The following HIC2 variants were observed in gnomAD, a reference collection of about 807,000 sequenced individuals.
The protein encoded by HIC2 is hypermethylated in cancer 2 protein.
HIC2 carries 2 observed loss-of-function variants against 39.5 expected under a neutral mutation model. The ratio of observed to expected loss-of-function variants is 0.05; its 90% CI spans 0.02 to 0.16. The LOEUF is 0.16. Among genes scored for constraint, HIC2 ranks in the 10% least tolerant of loss-of-function variants. The probability of loss-of-function intolerance (pLI) is 1.00; values close to 1 mark genes in which losing one functional copy is unlikely to be tolerated. For synonymous variants in HIC2, 399 were observed against 368.8 expected (o/e 1.08, Z -0.94); for missense variants, 713 against 863.5 (o/e 0.83, Z 2.18).
chr22:21,426,118 A>G (rs2148334037), intron 1 of HIC2, among the ~76,000 whole-genome samples: 1 of 149,588 alleles, frequency 6.7e-6, no homozygotes, highest in Non-Finnish European at 1.5e-5. Flanking sequence ...AAGTGCTGGG[A>G]TTACAGGTAT....
chr22:21,444,957 C>T lies in HIC2; in HGVS notation c.62C>T (p.Pro21Leu), dbSNP rs1234858251. The change falls in exon 3 of 3, where the codon CCC becomes CTC. Residue 21 changes from proline to leucine, a missense_variant. Coordinates refer to ENST00000407464, the MANE Select transcript of HIC2 (RefSeq NM_015094.3). Reference protein sequence around the residue: ...CAWAGRGDMGPDMELPSHSKQ... With the variant: ...CAWAGRGDMGLDMELPSHSKQ... ...TGGGCAGGGCGCGGGGACATGGGGCCCGACATGGAGCTGCCCAGCCACTCG... is the reference window on the plus strand; with the variant it reads ...TGGGCAGGGCGCGGGGACATGGGGCTCGACATGGAGCTGCCCAGCCACTCG... The T allele has an allele frequency of 3.7e-6, 6 of 1,613,150 alleles. No individual in the cohort carries two copies. In the South Asian group the frequency reaches 5.5e-5, roughly 15 times the overall value.
chr22:21,448,959 C>G lies in HIC2; in HGVS notation c.*2216C>G, dbSNP rs1170086735. Reference sequence around the variant, plus strand: ...CACGGGAAATGTTCACGCGCCTGGCCGTGTGCATGGCCTCCCGGGCTGTGG... The same window carrying G: ...CACGGGAAATGTTCACGCGCCTGGCGGTGTGCATGGCCTCCCGGGCTGTGG... On this transcript the variant is annotated 3_prime_UTR_variant, in exon 3 of 3. Coordinates refer to ENST00000407464, the MANE Select transcript of HIC2 (RefSeq NM_015094.3). The G allele has an allele frequency of 6.5e-6, 1 of 152,774 alleles. No individual in the cohort carries two copies. The highest frequency in any genetic ancestry group is 2.4e-5 in the African/African-American group (1 of 41,454). The allele number at this position is 152,774 out of a possible 1,614,324, so 9.5% of individuals were successfully genotyped here.
rs1474799877 is a variant in HIC2, at chr22:21,448,920, C to T, written c.*2177C>T. Reference sequence around the variant, plus strand: ...CCATCAGCACTTAAGCCACATGACACAAAGTCTGTACCGCACGGGAAATGT... The same window carrying T: ...CCATCAGCACTTAAGCCACATGACATAAAGTCTGTACCGCACGGGAAATGT... On this transcript the variant is annotated 3_prime_UTR_variant, in exon 3 of 3. Coordinates refer to ENST00000407464, the MANE Select transcript of HIC2 (RefSeq NM_015094.3). 2.0e-5 allele frequency: 3 copies of T among 152,800 alleles called. No individual in the cohort carries two copies. Among genetic ancestry groups the T allele is most frequent in the African/African-American group, 7.2e-5 (3 of 41,450 alleles). 9.5% of individuals were successfully genotyped at this position (152,800 alleles called of 1,614,324 possible). A position where few individuals can be genotyped will look rare whatever the true frequency, so the allele number is the denominator to read the frequency against.
At chr22:21,433,536 CAGCT>C (rs1192706935) in intron 1 of HIC2, among the ~76,000 whole-genome samples, 58 of 2,166 alleles carry the variant, frequency 0.027, 28 homozygotes, top group Non-Finnish European at 0.1. Context: ...TTTGGGCCCA[CAGCT>C]AGCTAGCTAG....
At chr22:21,437,769 C>G (rs1181374408) in intron 1 of HIC2, among the ~76,000 whole-genome samples, 2 of 14,346 alleles carry the variant, frequency 1.4e-4, no homozygotes, top group Admixed American at 6.1e-4. Flanking sequence ...GTGGCCCTGC[C>G]CTGCCTAGCA....
Position 21,450,870 on chromosome 22 carries a change from TTAAC to T in HIC2, c.*4129_*4132del, listed in dbSNP as rs1335401808. 2.6e-5 allele frequency: 4 copies of T among 152,766 alleles called. No individual in the cohort carries two copies. Among genetic ancestry groups the T allele is most frequent in the Admixed American group, 2.0e-4 (3 of 15,282 alleles). 9.5% of individuals were successfully genotyped at this position (152,766 alleles called of 1,614,324 possible). A position where few individuals can be genotyped will look rare whatever the true frequency, so the allele number is the denominator to read the frequency against. On this transcript the variant is annotated 3_prime_UTR_variant, in exon 3 of 3. Coordinates refer to ENST00000407464, the MANE Select transcript of HIC2 (RefSeq NM_015094.3). ...ATGCCCCGGCTTCAGTCACCCCACT[TTAAC>T]TTTCTACCAGGACCCCCTCCCCCTA...
At chr22:21,443,177 A>G (rs1449811215) in intron 2 of HIC2, among the ~76,000 whole-genome samples, 1 of 151,874 alleles carries the variant, frequency 6.6e-6, no homozygotes, top group Non-Finnish European at 1.5e-5. Flanking sequence ...GGAGTGGAGG[A>G]GGATTGGTTC....
chr22:21,426,641 G>A lies in HIC2; in HGVS notation c.-74+9081G>A, dbSNP rs1053483587. ...GTGCCACCACACCCGGCTAATTTTT[G>A]TATTTTTAGTAGAGACTGGGTATCT... On this transcript the variant is annotated intron_variant, in intron 1 of 2. Coordinates refer to ENST00000407464, the MANE Select transcript of HIC2 (RefSeq NM_015094.3). Among the ~76,000 whole-genome samples the A allele has an allele frequency of 5.8e-4, 39 of 66,808 alleles. 1 individual carries two copies. The East Asian group carries it at 7.4e-3, about 13-fold the overall frequency. 43.8% of individuals were successfully genotyped at this position (66,808 alleles called of 152,430 possible).
At position 21,446,375 on chromosome 22, in the gene HIC2, C is replaced by T. The variant is rs1923840657; in HGVS notation, c.1480C>T (p.Pro494Ser). Reference protein sequence around the residue: ...AEEEAEDLSAPSAAYTAEPRP... With the variant: ...AEEEAEDLSASSAAYTAEPRP... ...GGAGGAGGCCGAGGACCTGTCAGCA[C>T]CCAGTGCGGCCTACACGGCTGAGCC... is the stretch of plus-strand genomic sequence containing the variant. Residue 494 changes from proline (P) to serine (S), a missense_variant, in exon 3 of 3, where the codon CCC becomes TCC. Coordinates refer to ENST00000407464, the MANE Select transcript of HIC2 (RefSeq NM_015094.3). 4 of 1,612,622 alleles carry T rather than the reference C, an allele frequency of 2.5e-6. No individual in the cohort carries two copies. Among genetic ancestry groups the T allele is most frequent in the Non-Finnish European group, 2.5e-6 (3 of 1,180,014 alleles).
intron 2 of HIC2, among the ~76,000 whole-genome samples, chr22:21,443,704 T>C (rs1412322028): frequency 1.3e-5 from 2 of 152,178 alleles, no homozygotes; most frequent in Admixed American, 1.3e-4. Flanking sequence ...ACCTGGACAC[T>C]GGCATGCCTT....
Position 21,446,344 on chromosome 22 carries a change from TGCCGAGGAGGAG to T in HIC2, c.1458_1469del (p.Glu486_Glu489del). 1.9e-6 allele frequency: 3 copies of T among 1,611,736 alleles called. No individual in the cohort carries two copies. Among genetic ancestry groups the T allele is most frequent in the East Asian group, 2.2e-5 (1 of 44,760 alleles). ...GGGCCTACGAGACAGGCAGTGGGGG[TGCCGAGGAGGAG>T]GCCGAGGACCTGTCAGCACCCAGTG... On this transcript the variant is annotated inframe_deletion, in exon 3 of 3. Coordinates refer to ENST00000407464, the MANE Select transcript of HIC2 (RefSeq NM_015094.3).
chr22:21,420,004 TGA>T (rs1481677461), intron 1 of HIC2, among the ~76,000 whole-genome samples: 31 of 25,676 alleles, frequency 1.2e-3, no homozygotes, highest in Non-Finnish European at 1.8e-3. Context: ...TTCTGGAGAG[TGA>T]GAGCCGTGAG....
Position 21,447,806 on chromosome 22 carries a change from G to C in HIC2, c.*1063G>C, listed in dbSNP as rs1207938868. ...CGTGTGTGTGTGTGTATGTGCGTAT[G>C]TGTGTGTCTATGTGTGGTGTGTGCC... On this transcript the variant is annotated 3_prime_UTR_variant, in exon 3 of 3. Transcript: ENST00000407464. 2.6e-5 allele frequency: 4 copies of C among 152,522 alleles called. No individual in the cohort carries two copies. Among genetic ancestry groups the C allele is most frequent in the Admixed American group, 2.6e-4 (4 of 15,254 alleles). 9.4% of individuals were successfully genotyped at this position (152,522 alleles called of 1,614,324 possible).
At position 21,446,798 on chromosome 22, in the gene HIC2, AG is replaced by A. The variant is rs1923868809; in HGVS notation, c.*57del. On this transcript the variant is annotated 3_prime_UTR_variant, in exon 3 of 3. Coordinates refer to ENST00000407464, the MANE Select transcript of HIC2 (RefSeq NM_015094.3). ...ACCTTGCTCCCCGGGAACCCATGGA[AG>A]GAGAAGCGAGGTGATGCAGCAGCAG... 6.4e-7 allele frequency: 1 copy of A among 1,552,042 alleles called. No individual in the cohort carries two copies. The highest frequency in any genetic ancestry group is 1.4e-5 in the African/African-American group (1 of 73,636).
At position 21,446,977 on chromosome 22, in the gene HIC2, C is replaced by A; in HGVS notation, c.*234C>A. On this transcript the variant is annotated 3_prime_UTR_variant, in exon 3 of 3. Transcript: ENST00000407464. ...GTCTACCTCCCCATCCCACCCAGGC[C>A]CCCAGCTCCCCGCGGGGGCCACCGC... 1 of 594,706 alleles carries A rather than the reference C, an allele frequency of 1.7e-6. No homozygotes were observed. The highest frequency in any genetic ancestry group is 2.8e-6 in the Non-Finnish European group (1 of 353,302). The allele number at this position is 594,706 out of a possible 1,614,324, so 36.8% of individuals were successfully genotyped here.
At chr22:21,443,717 C>A (rs556695465) in intron 2 of HIC2, among the ~76,000 whole-genome samples, 1 of 152,242 alleles carries the variant, frequency 6.6e-6, no homozygotes, top group Admixed American at 6.5e-5. Context: ...CATGCCTTCC[C>A]CAGCACCCTC....
intron 1 of HIC2, 137 bp downstream of exon 1, chr22:21,417,697 G>T (rs1568938669): frequency 6.9e-6 from 1 of 145,566 alleles, no homozygotes; most frequent in Non-Finnish European, 1.5e-5. Flanking sequence ...TGGGGGACGC[G>T]CTAGCGTCTG....
rs1923365967 is a variant in HIC2 at position 21,432,765 on chromosome 22, C to G, written c.-73-9994C>G. Among the ~76,000 whole-genome samples, 8 of 130,580 alleles carry G rather than the reference C, an allele frequency of 6.1e-5. No individual in the cohort carries two copies. The South Asian group carries it at 2.0e-3, about 33-fold the overall frequency. The allele number at this position is 130,580 out of a possible 152,430, so 85.7% of individuals were successfully genotyped here. On this transcript the variant is annotated intron_variant, in intron 1 of 2. Transcript: ENST00000407464. ...TATCTTTTAGATAGCAGAGATGAGT[C>G]TGCTCTTAATAAGGATTTACAGTAG... is the stretch of plus-strand genomic sequence containing the variant.
Position 21,449,996 on chromosome 22 carries a change from C to G in HIC2, c.*3253C>G, listed in dbSNP as rs375507908. The G allele has an allele frequency of 6.5e-6, 1 of 152,694 alleles. No individual in the cohort carries two copies. The highest frequency in any genetic ancestry group is 1.5e-5 in the Non-Finnish European group (1 of 68,072). 9.5% of individuals were successfully genotyped at this position (152,694 alleles called of 1,614,324 possible). On this transcript the variant is annotated 3_prime_UTR_variant, in exon 3 of 3. Transcript: ENST00000407464. ...CTGTCGACTCTGGTGGGTCCCCACT[C>G]CTGGGGCCCCCTAACCCCACCCCAG... is the stretch of plus-strand genomic sequence containing the variant.
Sources: gnomAD v4.1 joint callset for allele counts (sites outside exome capture counted in the v4.1 genomes callset) on GRCh38, gnomAD v4.1.1 for gene constraint, MANE v1.5 for transcripts, NCBI Gene and HGNC (gene_info 2026-07-23, HGNC 2026-07-21) for gene names.